ZNF704: variants seen among roughly 807,000 people sequenced by gnomAD.
ZNF704 encodes zinc finger protein 704.
ZNF704 carries 10 observed loss-of-function variants against 44.7 expected under a neutral mutation model. The observed-to-expected ratio is 0.22, with a 90% CI of 0.14 to 0.38. ZNF704 has a LOEUF of 0.38. ZNF704 is among the 10% of genes least tolerant of loss of function. The pLI, the probability that ZNF704 is intolerant of heterozygous loss-of-function variation, is 1.00. For synonymous variants in ZNF704, 211 were observed against 207.6 expected (o/e 1.02, Z -0.14); for missense variants, 390 against 545.5 (o/e 0.71, Z 2.84).
At chr8:80,731,218 C>T (rs1224630619) in intron 2 of ZNF704, among the ~76,000 whole-genome samples, 1 of 152,104 alleles carries the variant, frequency 6.6e-6, no homozygotes, top group Admixed American at 6.5e-5. Context: ...TAGATTTCTA[C>T]CAATAGATTT....
chr8:80,840,655 G>A (rs1446627405), intron 1 of ZNF704, among the ~76,000 whole-genome samples: 2 of 152,096 alleles, frequency 1.3e-5, no homozygotes, highest in South Asian at 2.1e-4. Flanking sequence ...TATCAATAGA[G>A]TCGTCTTCCC....
intron 2 of ZNF704, among the ~76,000 whole-genome samples, chr8:80,739,984 C>T (rs1585993164): frequency 6.6e-6 from 1 of 152,070 alleles, no homozygotes; most frequent in Non-Finnish European, 1.5e-5. Context: ...CTCACAGAAC[C>T]CCGGGTATGC....
At chr8:80,865,738 C>T (rs942811736) in intron 1 of ZNF704, among the ~76,000 whole-genome samples, 10 of 152,246 alleles carry the variant, frequency 6.6e-5, no homozygotes, top group South Asian at 2.1e-4. Context: ...AGGTATGGCA[C>T]GGAGACCTCC....
chr8:80,791,872 G>C (rs1465194303), intron 2 of ZNF704, among the ~76,000 whole-genome samples: 4 of 152,224 alleles, frequency 2.6e-5, no homozygotes, highest in African/African-American at 7.2e-5. Flanking sequence ...AGGTTTGTAG[G>C]TGGCTGGAAG....
chr8:80,841,228 C>T (rs17474869), intron 1 of ZNF704, among the ~76,000 whole-genome samples: 8,011 of 152,256 alleles, frequency 0.053, 266 homozygotes, highest in Non-Finnish European at 0.075. Flanking sequence ...TCTTGTCACA[C>T]GCATCATATG....
At chr8:80,848,345 T>C (rs1300655786) in intron 1 of ZNF704, among the ~76,000 whole-genome samples, 2 of 152,168 alleles carry the variant, frequency 1.3e-5, no homozygotes, top group Non-Finnish European at 2.9e-5. Context: ...CCACACATGA[T>C]AATATCGCAC....
intron 1 of ZNF704, among the ~76,000 whole-genome samples, chr8:80,847,588 C>T (rs936469186): frequency 6.6e-6 from 1 of 152,108 alleles, no homozygotes; most frequent in Non-Finnish European, 1.5e-5. Flanking sequence ...TATACAGCTA[C>T]CATAACTCAA....
At chr8:80,839,820 G>A (rs576199736) in intron 1 of ZNF704, among the ~76,000 whole-genome samples, 9 of 152,088 alleles carry the variant, frequency 5.9e-5, no homozygotes, top group African/African-American at 2.2e-4. Context: ...TGGGCTCTGG[G>A]CTGCTAAGCC....
intron 3 of ZNF704, among the ~76,000 whole-genome samples, chr8:80,691,549 G>A (rs1818635939): frequency 6.6e-6 from 1 of 152,082 alleles, no homozygotes; most frequent in African/African-American, 2.4e-5. Context: ...TTTTCCCACT[G>A]CCAATCCCTT....
upstream of ZNF704, among the ~76,000 whole-genome samples, chr8:80,875,677 C>G (rs909708528): frequency 6.6e-6 from 1 of 152,198 alleles, no homozygotes; most frequent in Non-Finnish European, 1.5e-5. Flanking sequence ...GAGGATCTTA[C>G]GCATCAAATA....
rs576780435 is a variant in ZNF704, at chr8:80,712,715, T to C, written c.222-19608A>G. On this transcript the variant is annotated intron_variant, in intron 2 of 8. Transcript: ENST00000327835. ...TTTAATGTGGGAAAATGTGAGGTAATGAATAAAAAAAAAAGTATCACCAGT... is the reference window on the plus strand; with the variant it reads ...TTTAATGTGGGAAAATGTGAGGTAACGAATAAAAAAAAAAGTATCACCAGT... Among the ~76,000 whole-genome samples the C allele has an allele frequency of 2.4e-4, 36 of 150,880 alleles. No individual in the cohort carries two copies. In the South Asian group the frequency reaches 5.9e-3, roughly 25 times the overall value.
chr8:80,743,426 A>G (rs1341278782), intron 2 of ZNF704, among the ~76,000 whole-genome samples: 1 of 152,170 alleles, frequency 6.6e-6, no homozygotes, highest in East Asian at 1.9e-4. Context: ...ATAAATAAAT[A>G]TAAACTAATA....
intron 4 of ZNF704, among the ~76,000 whole-genome samples, chr8:80,682,530 C>T (rs1818469686): frequency 6.6e-6 from 1 of 152,250 alleles, no homozygotes; most frequent in South Asian, 2.1e-4. Flanking sequence ...GTCCTTGCTG[C>T]ACTCACCCAG....
chr8:80,726,005 G>A (rs1051665846), intron 2 of ZNF704, among the ~76,000 whole-genome samples: 5 of 152,076 alleles, frequency 3.3e-5, no homozygotes, highest in Non-Finnish European at 7.4e-5. Context: ...GTCTACAATA[G>A]GGAAAGAGTC....
chr8:80,752,515 C>A (rs1341067390), intron 2 of ZNF704, among the ~76,000 whole-genome samples: 1 of 150,896 alleles, frequency 6.6e-6, no homozygotes, highest in Non-Finnish European at 1.5e-5. Flanking sequence ...CTAGCCTGCT[C>A]TGCTTTGGGG....
chr8:80,810,543 T>C (rs1322545253), intron 2 of ZNF704, among the ~76,000 whole-genome samples: 1 of 152,192 alleles, frequency 6.6e-6, no homozygotes, highest in Non-Finnish European at 1.5e-5. Flanking sequence ...GCCTACAGTA[T>C]GTTTACTTGG....
chr8:80,659,546 C>G, intron 7 of ZNF704, 39 bp downstream of exon 7: 1 of 1,580,264 alleles, frequency 6.3e-7, no homozygotes, highest in Non-Finnish European at 8.7e-7. Flanking sequence ...TCTACATTGG[C>G]TTTGACCAGA....
intron 1 of ZNF704, among the ~76,000 whole-genome samples, chr8:80,848,731 C>T (rs1808808921): frequency 6.6e-6 from 1 of 151,564 alleles, no homozygotes; most frequent in African/African-American, 2.4e-5. Flanking sequence ...CAGCTACTCA[C>T]CACTGCACTC....
chr8:80,842,486 C>T (rs973103172), intron 1 of ZNF704, among the ~76,000 whole-genome samples: 1 of 152,022 alleles, frequency 6.6e-6, no homozygotes, highest in Admixed American at 6.6e-5. Context: ...AGGGATCGCA[C>T]ACACAGAGAA....
Sources: allele counts gnomAD v4.1 joint callset (sites outside exome capture counted in the v4.1 genomes callset), GRCh38; gene constraint gnomAD v4.1.1; transcripts MANE v1.5; gene names NCBI Gene and HGNC (gene_info 2026-07-23, HGNC 2026-07-21).